Variants in WLS observed in about 807,000 individuals in gnomAD.
The protein encoded by WLS is Wnt ligand secretion mediator, also known as protein wntless homolog.
In WLS, 23 loss-of-function variants were observed where a neutral mutation model predicts 62.8. The observed-to-expected ratio is 0.37, with a 90% CI of 0.26 to 0.52. WLS has a LOEUF of 0.52. Ranked by LOEUF, WLS falls within the 20% of genes least tolerant of loss-of-function variation. The pLI, the probability that WLS is intolerant of heterozygous loss-of-function variation, is 0.92. For missense variants in WLS, 615 were observed against 697.3 expected (o/e 0.88, Z 1.33); for synonymous variants, 246 against 244.1 (o/e 1.01, Z -0.07).
rs33982774 is a variant in WLS, at chr1:68,118,875, C to CAAAAA, written c.1510+18900_1510+18904dup. On this transcript the variant is annotated intron_variant, in intron 11 of 11. Transcript: ENST00000354777. ...CTGGGTGACGAGCAAGACTCTGTCT[C>CAAAAA]AAAAAAAAAAAAAAAAAAAAAAAAA... is the stretch of plus-strand genomic sequence containing the variant. 3.0e-4 allele frequency among the ~76,000 whole-genome samples: 8 copies of CAAAAA among 26,388 alleles called. 1 individual carries two copies. Among genetic ancestry groups the CAAAAA allele is most frequent in the Middle Eastern group, 0.077 (2 of 26 alleles). The allele number at this position is 26,388 out of a possible 152,430, so 17.3% of individuals were successfully genotyped here. A position where few individuals can be genotyped will look rare whatever the true frequency, so the allele number is the denominator to read the frequency against.
chr1:68,132,105 C>T (rs984800802), intron 11 of WLS, among the ~76,000 whole-genome samples: 1 of 152,078 alleles, frequency 6.6e-6, no homozygotes, highest in Non-Finnish European at 1.5e-5. Context: ...GGTGGGGTGA[C>T]AAGAATTCTA....
At chr1:68,136,947 A>C (rs1646619495) in intron 11 of WLS, among the ~76,000 whole-genome samples, 2 of 152,264 alleles carry the variant, frequency 1.3e-5, no homozygotes, top group African/African-American at 4.8e-5. Flanking sequence ...ATGTTTGGGG[A>C]ATAGCAAATG....
intron 2 of WLS, chr1:68,162,889 T>C (rs915151391): frequency 2.6e-6 from 4 of 1,532,828 alleles, no homozygotes; most frequent in Admixed American, 1.7e-5. Context: ...TTCTCGTGGA[T>C]TTCCTGCGTG....
chr1:68,228,234 AAT>A, intron 1 of WLS: 1 of 447,028 alleles, frequency 2.2e-6, no homozygotes, highest in Non-Finnish European at 4.5e-6. Context: ...TTATGTTTGG[AAT>A]AGTCTCATTT....
chr1:68,162,633 G>A, intron 2 of WLS: 2 of 1,255,592 alleles, frequency 1.6e-6, no homozygotes, highest in Non-Finnish European at 2.3e-6. Flanking sequence ...GCAGTGCTTG[G>A]TACAGCCATG....
chr1:68,164,322 G>C (rs1354115628), intron 2 of WLS, among the ~76,000 whole-genome samples: 1 of 151,854 alleles, frequency 6.6e-6, no homozygotes, highest in Admixed American at 6.6e-5. Flanking sequence ...GCAATGGCAT[G>C]ATCTCGGCTC....
Position 68,148,754 on chromosome 1 carries a change from AC to A in WLS, c.973-95del, listed in dbSNP as rs1047737114. The A allele has an allele frequency of 1.5e-5, 17 of 1,111,946 alleles. No individual in the cohort carries two copies. The African/African-American group carries it at 2.5e-4, about 16-fold the overall frequency. 68.9% of individuals were successfully genotyped at this position (1,111,946 alleles called of 1,614,324 possible). Reference sequence around the variant, plus strand: ...AGCATTCGAAGGACACTTGCCGACCACCTATTGTGTATCAAGCACTATGCTA... The same window carrying A: ...AGCATTCGAAGGACACTTGCCGACCACTATTGTGTATCAAGCACTATGCTA... On this transcript the variant is annotated intron_variant, in intron 6 of 11. Transcript: ENST00000262348.
At chr1:68,107,381 G>T (rs1174591392) in intron 11 of WLS, among the ~76,000 whole-genome samples, 1 of 152,002 alleles carries the variant, frequency 6.6e-6, no homozygotes, top group African/African-American at 2.4e-5. Context: ...ATGTTTAACA[G>T]CTGGAAGGTA....
chr1:68,115,902 C>A (rs952060739), intron 11 of WLS, among the ~76,000 whole-genome samples: 4 of 151,994 alleles, frequency 2.6e-5, no homozygotes, highest in African/African-American at 9.7e-5. Flanking sequence ...CACTAGTCTT[C>A]CACCCTCTCC....
In WLS at chr1:68,193,544, A is replaced by T. The variant is rs186926235; in HGVS notation, c.379+411T>A. Among the ~76,000 whole-genome samples the T allele has an allele frequency of 8.6e-5, 13 of 151,422 alleles. No individual in the cohort carries two copies. The East Asian group carries it at 2.6e-3, about 30-fold the overall frequency. Reference sequence around the variant, plus strand: ...AAGGCCATAGCTTTACTCAAAGCCCAGTGGAAAAAGACATTTAAAAAAAAA... The same window carrying T: ...AAGGCCATAGCTTTACTCAAAGCCCTGTGGAAAAAGACATTTAAAAAAAAA... On this transcript the variant is annotated intron_variant, in intron 2 of 11. Coordinates refer to ENST00000262348, the MANE Select transcript of WLS (RefSeq NM_024911.7).
intron 2 of WLS, chr1:68,162,794 C>A: frequency 8.8e-7 from 1 of 1,133,212 alleles, no homozygotes; most frequent in South Asian, 1.2e-5. Flanking sequence ...TGCACGATCA[C>A]TCTCGGGGCC....
rs750120874 is a variant in WLS, at chr1:68,126,287, ATAG to A, written c.1562_1564del (p.Thr521del). The A allele has an allele frequency of 1.2e-6, 2 of 1,614,086 alleles. No homozygotes were observed. The highest frequency in any genetic ancestry group is 1.1e-5 in the South Asian group (1 of 91,070). ...CTCAGTGGGTCCGTCCACATGGGTG[ATAG>A]TGGTGGTGAGCTGGAGTTCTTCCCC... On this transcript the variant is annotated inframe_deletion, in exon 12 of 12. Transcript: ENST00000262348.
At chr1:68,159,757 C>A (rs967008382) in intron 2 of WLS, among the ~76,000 whole-genome samples, 1 of 152,234 alleles carries the variant, frequency 6.6e-6, no homozygotes, top group Non-Finnish European at 1.5e-5. Context: ...TGAAAACATC[C>A]TTCTCAAACT....
At chr1:68,179,384 G>C (rs534645438) in intron 2 of WLS, among the ~76,000 whole-genome samples, 1 of 152,190 alleles carries the variant, frequency 6.6e-6, no homozygotes, top group East Asian at 1.9e-4. Context: ...ACTCATGGTG[G>C]GATCAAGGCA....
chr1:68,204,500 G>A (rs1167896074), intron 1 of WLS, among the ~76,000 whole-genome samples: 1 of 151,958 alleles, frequency 6.6e-6, no homozygotes, highest in Non-Finnish European at 1.5e-5. Context: ...GTAGAGACGG[G>A]GCTTCACCGT....
At position 68,126,056 on chromosome 1, in the gene WLS, A is replaced by C; in HGVS notation, c.*170T>G. The C allele has an allele frequency of 7.0e-7, 1 of 1,435,946 alleles. No individual in the cohort carries two copies. The highest frequency in any genetic ancestry group is 2.8e-5 in the Admixed American group (1 of 35,214). The allele number at this position is 1,435,946 out of a possible 1,614,324, so 89.0% of individuals were successfully genotyped here. ...GTGGCTGCAGGAATCTTCCTCCAAA[A>C]GCTACCGTCAGAAGGCAAACTGACA... On this transcript the variant is annotated 3_prime_UTR_variant, in exon 12 of 12. Transcript: ENST00000262348.
chr1:68,161,524 C>CAAT (rs1459617371), intron 2 of WLS, among the ~76,000 whole-genome samples: 7 of 152,212 alleles, frequency 4.6e-5, no homozygotes, highest in African/African-American at 1.7e-4. Context: ...ACTTAACACA[C>CAAT]AATAACAGAA....
At chr1:68,194,948 T>C (rs1648580544) in intron 1 of WLS, among the ~76,000 whole-genome samples, 1 of 152,218 alleles carries the variant, frequency 6.6e-6, no homozygotes, top group Admixed American at 6.5e-5. Flanking sequence ...TATATGATTA[T>C]AATATTAATA....
At chr1:68,188,733 G>T (rs1024563557) in intron 2 of WLS, among the ~76,000 whole-genome samples, 2 of 152,206 alleles carry the variant, frequency 1.3e-5, no homozygotes, top group Non-Finnish European at 2.9e-5. Context: ...CAATATCAGC[G>T]AAGACGCAAA....
Sources: gnomAD v4.1 joint callset for allele counts (sites outside exome capture counted in the v4.1 genomes callset) on GRCh38, gnomAD v4.1.1 for gene constraint, MANE v1.5 for transcripts, NCBI Gene and HGNC (gene_info 2026-07-23, HGNC 2026-07-21) for gene names.